TMEM178B: variants seen among roughly 807,000 people sequenced by gnomAD.
The protein encoded by TMEM178B is transmembrane protein 178B.
TMEM178B carries 5 observed loss-of-function variants against 31.0 expected under a neutral mutation model. The observed-to-expected ratio is 0.16, with a 90% CI of 0.08 to 0.34. The LOEUF is 0.34. Ranked by LOEUF, TMEM178B falls within the 10% of genes least tolerant of loss-of-function variation. TMEM178B has a pLI of 1.00. For synonymous variants in TMEM178B, 164 were observed against 164.0 expected, an observed-to-expected ratio of 1.00 and a Z score of 0.00; for missense variants, 275 against 400.3, an observed-to-expected ratio of 0.69 and a Z score of 2.67.
At chr7:141,419,148 G>A (rs888273397) in intron 2 of TMEM178B, among the ~76,000 whole-genome samples, 3 of 152,142 alleles carry the variant, frequency 2.0e-5, no homozygotes, top group African/African-American at 4.8e-5. Flanking sequence ...GACCTCAAGT[G>A]ATCCACCCAC....
At chr7:141,354,230 G>A (rs753193996) in intron 2 of TMEM178B, among the ~76,000 whole-genome samples, 1 of 152,300 alleles carries the variant, frequency 6.6e-6, no homozygotes, top group Admixed American at 6.5e-5. Context: ...ATGAATGTAT[G>A]TTATGTTTTG....
chr7:141,283,419 C>T (rs1376925795), intron 2 of TMEM178B, among the ~76,000 whole-genome samples: 1 of 152,166 alleles, frequency 6.6e-6, no homozygotes, highest in Non-Finnish European at 1.5e-5. Flanking sequence ...TATGGGAGTC[C>T]CAGCAGTGGC....
chr7:141,376,765 C>T (rs1385423656), intron 2 of TMEM178B, among the ~76,000 whole-genome samples: 1 of 152,128 alleles, frequency 6.6e-6, no homozygotes, highest in African/African-American at 2.4e-5. Flanking sequence ...GGACTACTGG[C>T]TTGGTGTTTT....
At chr7:141,369,055 C>T (rs749038376) in intron 2 of TMEM178B, among the ~76,000 whole-genome samples, 3 of 151,366 alleles carry the variant, frequency 2.0e-5, no homozygotes, top group African/African-American at 4.8e-5. Context: ...TCCCAGTAGA[C>T]TTGTCAGTAG....
chr7:141,500,446 G>A, the TMEM178B span, among the ~76,000 whole-genome samples: 2 of 152,132 alleles, frequency 1.3e-5, no homozygotes, highest in African/African-American at 4.8e-5. Context: ...TTTTCTTAGG[G>A]CATATAAAAT....
intron 2 of TMEM178B, among the ~76,000 whole-genome samples, chr7:141,417,947 C>G (rs1266550968): frequency 3.9e-5 from 6 of 152,268 alleles, no homozygotes; most frequent in East Asian, 1.9e-4. Flanking sequence ...TAAGTCCAGA[C>G]AGTCTGACTC....
chr7:141,180,654 T>C (rs1333936396), intron 1 of TMEM178B, among the ~76,000 whole-genome samples: 1 of 152,180 alleles, frequency 6.6e-6, no homozygotes, highest in Non-Finnish European at 1.5e-5. Context: ...TAATTGGGAA[T>C]ATCCAAATTA....
chr7:141,150,881 G>A (rs979651924), intron 1 of TMEM178B, among the ~76,000 whole-genome samples: 1 of 152,070 alleles, frequency 6.6e-6, no homozygotes, highest in Admixed American at 6.5e-5. Context: ...AGATAAGCAG[G>A]ATAATATGGA....
chr7:141,385,820 G>A (rs1012351652), intron 2 of TMEM178B, among the ~76,000 whole-genome samples: 5 of 152,172 alleles, frequency 3.3e-5, no homozygotes, highest in Admixed American at 1.3e-4. Context: ...ATTTCTGCAA[G>A]AAGAGCAATT....
chr7:141,313,971 A>G (rs1586886610), intron 2 of TMEM178B, among the ~76,000 whole-genome samples: 2 of 152,182 alleles, frequency 1.3e-5, no homozygotes, highest in Admixed American at 6.5e-5. Context: ...GAGAGCTTCC[A>G]CTAAACGATT....
intron 2 of TMEM178B, among the ~76,000 whole-genome samples, chr7:141,343,376 G>A (rs1430153894): frequency 1.3e-5 from 2 of 152,106 alleles, no homozygotes; most frequent in African/African-American, 2.4e-5. Flanking sequence ...GGCCTGTGGG[G>A]TGGCACTCCC....
intron 2 of TMEM178B, among the ~76,000 whole-genome samples, chr7:141,391,130 G>T (rs1158155986): frequency 6.6e-6 from 1 of 152,068 alleles, no homozygotes; most frequent in African/African-American, 2.4e-5. Flanking sequence ...AGGCCAGGCT[G>T]TAGTTTACTG....
At position 141,475,989 on chromosome 7, in the gene TMEM178B, A is replaced by G. The variant is rs758432572; in HGVS notation, c.*5203A>G. ...CTCATCTACAAAATGAGGATAAGTGATAACACCTTACCTCATGGTATATTA... is the reference window on the plus strand; with the variant it reads ...CTCATCTACAAAATGAGGATAAGTGGTAACACCTTACCTCATGGTATATTA... On this transcript the variant is annotated 3_prime_UTR_variant, in exon 4 of 4. Transcript: ENST00000565468. 3 of 152,200 alleles carry G rather than the reference A, an allele frequency of 2.0e-5. No homozygotes were observed. The highest frequency in any genetic ancestry group is 2.1e-4 in the South Asian group (1 of 4,828). 9.4% of individuals were successfully genotyped at this position (152,200 alleles called of 1,614,324 possible).
intron 2 of TMEM178B, among the ~76,000 whole-genome samples, chr7:141,223,479 C>CTTTTTTTTTTTTTTTTTTTT (rs10680431): frequency 2.3e-5 from 3 of 131,144 alleles, no homozygotes; most frequent in African/African-American, 9.1e-5. Flanking sequence ...TGTTTTCACT[C>CTTTTTTTTTTTTTTTTTTTT]TTTTTTTTTT....
At chr7:141,403,762 A>G (rs1284612528) in intron 2 of TMEM178B, among the ~76,000 whole-genome samples, 1 of 152,204 alleles carries the variant, frequency 6.6e-6, no homozygotes, top group African/African-American at 2.4e-5. Context: ...GTCCCTGGCA[A>G]GTGCCTAATA....
intron 2 of TMEM178B, among the ~76,000 whole-genome samples, chr7:141,304,207 T>C (rs1161328202): frequency 2.0e-5 from 3 of 152,204 alleles, no homozygotes; most frequent in African/African-American, 7.2e-5. Context: ...GTATTTCTCC[T>C]TTTTATCTTC....
the TMEM178B span, among the ~76,000 whole-genome samples, chr7:141,504,153 G>A: frequency 2.0e-5 from 3 of 152,190 alleles, no homozygotes; most frequent in Non-Finnish European, 4.4e-5. Flanking sequence ...TGACCTCTGA[G>A]TGTGTGAAGA....
chr7:141,161,361 C>T (rs534935440), intron 1 of TMEM178B, among the ~76,000 whole-genome samples: 61 of 152,030 alleles, frequency 4.0e-4, no homozygotes, highest in Non-Finnish European at 7.7e-4. Context: ...CAGAAAGGCT[C>T]GACGGGAAGG....
At chr7:141,294,775 C>T (rs1471645057) in intron 2 of TMEM178B, among the ~76,000 whole-genome samples, 1 of 152,178 alleles carries the variant, frequency 6.6e-6, no homozygotes, top group East Asian at 1.9e-4. Flanking sequence ...ACATCCTGAA[C>T]ATTATTCACT....
Sources: allele counts gnomAD v4.1 joint callset (sites outside exome capture counted in the v4.1 genomes callset), GRCh38; gene constraint gnomAD v4.1.1; transcripts MANE v1.5; gene names NCBI Gene and HGNC (gene_info 2026-07-23, HGNC 2026-07-21).